MAGI2: variants seen among roughly 807,000 people sequenced by gnomAD.
MAGI2 encodes membrane associated guanylate kinase, WW and PDZ domain containing 2.
Under a neutral mutation model 133.3 loss-of-function variants are expected in MAGI2, and 35 were observed. The observed-to-expected ratio is 0.26, with a 90% CI of 0.20 to 0.35. MAGI2 has a LOEUF of 0.35. MAGI2 is among the 10% of genes least tolerant of loss of function. MAGI2 has a pLI of 1.00. For missense variants in MAGI2, 1,636 were observed against 1,863.4 expected, an observed-to-expected ratio of 0.88 and a Z score of 2.25; for synonymous variants, 729 against 710.6, an observed-to-expected ratio of 1.03 and a Z score of -0.41.
chr7:78,620,994 A>G (rs1362696386), intron 3 of MAGI2, among the ~76,000 whole-genome samples: 1 of 151,980 alleles, frequency 6.6e-6, no homozygotes, highest in African/African-American at 2.4e-5. Flanking sequence ...CAGGCTGAGG[A>G]AGACAACTGC....
chr7:79,247,467 G>A (rs998376077), intron 1 of MAGI2, among the ~76,000 whole-genome samples: 2 of 151,960 alleles, frequency 1.3e-5, no homozygotes, highest in East Asian at 1.9e-4. Context: ...TAAAAAATTC[G>A]CCATGCATGG....
In MAGI2 at chr7:79,101,540, C is replaced by T. The variant is rs11772128; in HGVS notation, c.302-94334G>A. On this transcript the variant is annotated intron_variant, in intron 1 of 21. Transcript: ENST00000354212. ...GAGATCGAGACCATTCTGGCTAACACGGTGAAACCCCGTCTCCACTAAAAA... is the reference window on the plus strand; with the variant it reads ...GAGATCGAGACCATTCTGGCTAACATGGTGAAACCCCGTCTCCACTAAAAA... Among the ~76,000 whole-genome samples, 6 of 151,912 alleles carry T rather than the reference C, an allele frequency of 3.9e-5. No individual in the cohort carries two copies. In the East Asian group the frequency reaches 5.8e-4, roughly 15 times the overall value.
chr7:79,382,384 A>G (rs1299161261), intron 1 of MAGI2, among the ~76,000 whole-genome samples: 1 of 151,606 alleles, frequency 6.6e-6, no homozygotes, highest in African/African-American at 2.4e-5. Context: ...TTTAATTATC[A>G]TTATTAGAAT....
chr7:78,610,925 G>C (rs1047485126), intron 3 of MAGI2, among the ~76,000 whole-genome samples: 1 of 152,172 alleles, frequency 6.6e-6, no homozygotes, highest in Non-Finnish European at 1.5e-5. Flanking sequence ...GGTCTTCCAA[G>C]CACAGACTAT....
intron 1 of MAGI2, among the ~76,000 whole-genome samples, chr7:79,246,222 A>C (rs1832809989): frequency 6.6e-6 from 1 of 152,198 alleles, no homozygotes; most frequent in Non-Finnish European, 1.5e-5. Context: ...ATAAATGCCC[A>C]ACTCTTCAAT....
intron 2 of MAGI2, among the ~76,000 whole-genome samples, chr7:78,891,827 G>A (rs1162873932): frequency 6.6e-6 from 1 of 152,174 alleles, no homozygotes; most frequent in Non-Finnish European, 1.5e-5. Context: ...ACAAGACAGG[G>A]ATGCCCTCTC....
At chr7:78,285,597 G>C (rs1163489487) in intron 9 of MAGI2, 1 of 152,164 alleles carries the variant, frequency 6.6e-6, no homozygotes. Context: ...CGAAAGGTTA[G>C]TAACTTGCCC....
At chr7:79,202,091 G>T (rs967948661) in intron 1 of MAGI2, among the ~76,000 whole-genome samples, 1 of 151,922 alleles carries the variant, frequency 6.6e-6, no homozygotes, top group Non-Finnish European at 1.5e-5. Flanking sequence ...TCTCACTCAT[G>T]TTCTAGACAA....
At chr7:78,883,408 G>A (rs1316433070) in intron 2 of MAGI2, among the ~76,000 whole-genome samples, 1 of 152,118 alleles carries the variant, frequency 6.6e-6, no homozygotes, top group Non-Finnish European at 1.5e-5. Flanking sequence ...AACACACAAT[G>A]CTCATGGATT....
chr7:79,155,419 G>A (rs572099707), intron 1 of MAGI2, among the ~76,000 whole-genome samples: 3 of 152,126 alleles, frequency 2.0e-5, no homozygotes, highest in East Asian at 1.9e-4. Flanking sequence ...TGGGGAGGGG[G>A]GCCATGGTAG....
At chr7:79,121,872 T>G (rs1279942605) in intron 1 of MAGI2, among the ~76,000 whole-genome samples, 1 of 152,216 alleles carries the variant, frequency 6.6e-6, no homozygotes, top group East Asian at 1.9e-4. Flanking sequence ...CCCTATAACT[T>G]ACTTATTCCA....
At chr7:78,794,525 G>T (rs995787730) in intron 2 of MAGI2, among the ~76,000 whole-genome samples, 2 of 151,700 alleles carry the variant, frequency 1.3e-5, no homozygotes, top group Non-Finnish European at 2.9e-5. Context: ...AGATTTACCA[G>T]GTAAAGAGAT....
At chr7:78,257,966 C>G (rs1793157883) in intron 9 of MAGI2, among the ~76,000 whole-genome samples, 1 of 152,190 alleles carries the variant, frequency 6.6e-6, no homozygotes, top group South Asian at 2.1e-4. Context: ...GAGTTGACAA[C>G]TTTTCTGGTC....
intron 21 of MAGI2, among the ~76,000 whole-genome samples, chr7:78,022,164 T>C (rs1390802112): frequency 2.0e-5 from 3 of 152,180 alleles, no homozygotes; most frequent in African/African-American, 7.2e-5. Flanking sequence ...TACTTTTGGG[T>C]GGGTTAGAGT....
chr7:79,185,267 A>C (rs1486355434), intron 1 of MAGI2, among the ~76,000 whole-genome samples: 1 of 151,922 alleles, frequency 6.6e-6, no homozygotes, highest in East Asian at 1.9e-4. Context: ...TGAAATGCGT[A>C]TCTCCAAATG....
chr7:78,932,152 T>A (rs1314205417), intron 2 of MAGI2, among the ~76,000 whole-genome samples: 2 of 152,070 alleles, frequency 1.3e-5, no homozygotes, highest in Non-Finnish European at 2.9e-5. Context: ...AAAATGACAG[T>A]GTGCAGGCCT....
chr7:78,887,929 G>C (rs535151490), intron 2 of MAGI2, among the ~76,000 whole-genome samples: 3 of 152,224 alleles, frequency 2.0e-5, no homozygotes, highest in African/African-American at 7.2e-5. Flanking sequence ...AGCAGGGTGA[G>C]CCATTGCCTC....
chr7:78,606,063 G>A (rs1252166448), intron 3 of MAGI2, among the ~76,000 whole-genome samples: 1 of 152,162 alleles, frequency 6.6e-6, no homozygotes, highest in Non-Finnish European at 1.5e-5. Flanking sequence ...AGGACCTCAT[G>A]ATTAATTGAA....
intron 2 of MAGI2, among the ~76,000 whole-genome samples, chr7:78,725,598 A>G (rs926959667): frequency 3.3e-5 from 5 of 152,186 alleles, no homozygotes; most frequent in African/African-American, 9.7e-5. Flanking sequence ...GGAGATAGAG[A>G]CCATCCTGGC....
Sources: allele counts gnomAD v4.1 joint callset (sites outside exome capture counted in the v4.1 genomes callset), GRCh38; gene constraint gnomAD v4.1.1; transcripts MANE v1.5; gene names NCBI Gene and HGNC (gene_info 2026-07-23, HGNC 2026-07-21).